Variants in ERBIN observed in about 807,000 individuals in gnomAD.
ERBIN encodes the protein erbb2 interacting protein, also known as densin-180-like protein.
ERBIN carries 60 observed loss-of-function variants against 158.4 expected under a neutral mutation model. That is an observed-to-expected ratio of 0.38 (90% CI 0.31 to 0.47). The LOEUF is 0.47. ERBIN is among the 20% of genes least tolerant of loss of function. The pLI, the probability that ERBIN is intolerant of heterozygous loss-of-function variation, is 0.99. For missense variants in ERBIN, 1,610 were observed against 1,648.0 expected (o/e 0.98, Z 0.40); for synonymous variants, 594 against 557.2 (o/e 1.07, Z -0.93).
intron 7 of ERBIN, among the ~76,000 whole-genome samples, chr5:66,015,805 C>T (rs1223302771): frequency 6.6e-6 from 1 of 152,152 alleles, no homozygotes; most frequent in Non-Finnish European, 1.5e-5. Context: ...CCACTGCATT[C>T]CAGCATAAGA....
At chr5:66,048,220 A>G (rs1490657095) in intron 18 of ERBIN, among the ~76,000 whole-genome samples, 1 of 151,896 alleles carries the variant, frequency 6.6e-6, no homozygotes, top group African/African-American at 2.4e-5. Flanking sequence ...ATTATGAAAT[A>G]AGATCAGTAG....
rs185338433 is a variant in ERBIN at position 66,026,589 on chromosome 5, A to C, written c.1136+172A>C. Among the ~76,000 whole-genome samples the C allele has an allele frequency of 6.6e-5, 10 of 152,122 alleles. No homozygotes were observed. The East Asian group carries it at 1.9e-3, about 29-fold the overall frequency. On this transcript the variant is annotated intron_variant, in intron 13 of 25. Coordinates refer to ENST00000284037, the MANE Select transcript of ERBIN (RefSeq NM_001253697.2). ...AAAGTGTGACTTTCAGTGAAACAAC[A>C]TACAATGAAATCACTTCTTTCGTTC... is the stretch of plus-strand genomic sequence containing the variant.
Position 66,050,983 on chromosome 5 carries a change from T to C in ERBIN, c.2087+17T>C. 1 of 1,536,946 alleles carries C rather than the reference T, an allele frequency of 6.5e-7. No individual in the cohort carries two copies. Among genetic ancestry groups the C allele is most frequent in the Middle Eastern group, 1.7e-4 (1 of 5,904 alleles). On this transcript the variant is annotated intron_variant, in intron 20 of 25. Transcript: ENST00000284037. ...CAAAATCAGGTGTGTGAACCTCTTT[T>C]ACAGTTTTTTATTTATACAATAAAT...
intron 21 of ERBIN, among the ~76,000 whole-genome samples, chr5:66,055,372 T>G (rs1027243758): frequency 1.8e-4 from 27 of 152,334 alleles, no homozygotes; most frequent in Admixed American, 4.6e-4. Context: ...CTAATATTTT[T>G]TCCCCAGTCC....
intron 4 of ERBIN, among the ~76,000 whole-genome samples, chr5:66,010,926 A>C (rs561912064): frequency 6.6e-6 from 1 of 152,244 alleles, no homozygotes; most frequent in Non-Finnish European, 1.5e-5. Context: ...GTAAATGCTC[A>C]GAATCTTTCA....
chr5:65,956,077 TCACC>T (rs2150939092), intron 1 of ERBIN, among the ~76,000 whole-genome samples: 1 of 152,324 alleles, frequency 6.6e-6, no homozygotes, highest in East Asian at 1.9e-4. Flanking sequence ...GGAAATGTAT[TCACC>T]CCTAATAAGG....
chr5:65,957,187 A>C (rs1489614071), intron 1 of ERBIN, among the ~76,000 whole-genome samples: 1 of 151,712 alleles, frequency 6.6e-6, no homozygotes, highest in Non-Finnish European at 1.5e-5. Flanking sequence ...AGGATGGTTC[A>C]ATGTAGGATT....
rs201928607 is a variant in ERBIN, at chr5:66,025,916, A to G, written c.959A>G (p.Gln320Arg). 1.3e-6 allele frequency: 2 copies of G among 1,594,974 alleles called. No individual in the cohort carries two copies. Among genetic ancestry groups the G allele is most frequent in the African/African-American group, 2.7e-5 (2 of 74,076 alleles). The change falls in exon 12 of 26, where the codon CAG (glutamine) becomes CGG (arginine). Residue 320 changes from glutamine to arginine, a missense_variant. Physicochemically the swap from Gln to Arg is conservative, Grantham distance 43. Around this residue, in one of 2 missense-constraint regions of ERBIN, gnomAD observed 596 missense variants for 711.9 expected, o/e 0.84. Transcript: ENST00000284037. The stretch of plus-strand genomic sequence containing the variant: ...GAAGCTTTGCCTTCATCTATTGGGC[A>G]GCTTACTAACTTAAGAACTTTTGCT... Reference protein sequence around the residue: ...EVEALPSSIGQLTNLRTFAAD... With the variant: ...EVEALPSSIGRLTNLRTFAAD...
At chr5:65,942,645 C>G (rs1343767119) in intron 1 of ERBIN, among the ~76,000 whole-genome samples, 1 of 152,188 alleles carries the variant, frequency 6.6e-6, no homozygotes, top group Non-Finnish European at 1.5e-5. Flanking sequence ...AGACTTAAGG[C>G]TGGGTGCAGT....
At chr5:66,040,912 G>A (rs1469344673) in intron 15 of ERBIN, among the ~76,000 whole-genome samples, 2 of 151,752 alleles carry the variant, frequency 1.3e-5, no homozygotes, top group African/African-American at 4.8e-5. Context: ...TGCAAGAGCA[G>A]GGGTGAGATC....
chr5:66,050,641 C>A, intron 19 of ERBIN, 142 bp from the exon 20 acceptor site: 1 of 481,142 alleles, frequency 2.1e-6, no homozygotes, highest in Non-Finnish European at 3.6e-6. Flanking sequence ...ACTGAATTTT[C>A]AGGGGTGCTT....
intron 1 of ERBIN, among the ~76,000 whole-genome samples, chr5:65,959,677 G>T (rs970182146): frequency 1.3e-5 from 2 of 152,108 alleles, no homozygotes; most frequent in African/African-American, 4.8e-5. Flanking sequence ...TTCTCAAATC[G>T]TATGACACTT....
At chr5:65,983,316 G>A (rs1250777593) in intron 1 of ERBIN, among the ~76,000 whole-genome samples, 2 of 151,982 alleles carry the variant, frequency 1.3e-5, no homozygotes, top group African/African-American at 4.8e-5. Context: ...ATATGTTGTA[G>A]GCATATCACA....
chr5:65,938,579 G>A (rs931659506), intron 1 of ERBIN, among the ~76,000 whole-genome samples: 1 of 152,012 alleles, frequency 6.6e-6, no homozygotes, highest in Non-Finnish European at 1.5e-5. Context: ...TTGAGACGGA[G>A]TCTTCCTCTG....
chr5:66,032,211 A>G (rs933119009), intron 14 of ERBIN, among the ~76,000 whole-genome samples: 2 of 152,182 alleles, frequency 1.3e-5, no homozygotes, highest in East Asian at 1.9e-4. Context: ...AGGATCTTCT[A>G]TGCCATGCAG....
intron 1 of ERBIN, among the ~76,000 whole-genome samples, chr5:65,963,778 A>G (rs1248023805): frequency 2.2e-5 from 3 of 137,984 alleles, no homozygotes; most frequent in African/African-American, 5.3e-5. Context: ...TGGTATGACT[A>G]TTTTCTTTCT....
rs145312232 is a variant in ERBIN, at chr5:65,933,072, A to G, written c.-58+6266A>G. ...TCTCCCAAAGTGCTGGGATTATGGC[A>G]TGAGCCGCTGCACCTGGCCCAATTT... On this transcript the variant is annotated intron_variant, in intron 1 of 25. Coordinates refer to ENST00000284037, the MANE Select transcript of ERBIN (RefSeq NM_001253697.2). Among the ~76,000 whole-genome samples, 645 of 152,248 alleles carry G rather than the reference A, an allele frequency of 4.2e-3. 5 individuals are homozygous for G. Among genetic ancestry groups the G allele is most frequent in the African/African-American group, 0.014 (593 of 41,544 alleles).
Position 66,007,629 on chromosome 5 carries a change from A to G in ERBIN, c.308-4420A>G, listed in dbSNP as rs555392819. 3.3e-5 allele frequency among the ~76,000 whole-genome samples: 5 copies of G among 152,282 alleles called. No individual in the cohort carries two copies. In the East Asian group the frequency reaches 5.8e-4, roughly 18 times the overall value. On this transcript the variant is annotated intron_variant, in intron 4 of 25. Coordinates refer to ENST00000284037, the MANE Select transcript of ERBIN (RefSeq NM_001253697.2). ...AGAGAAAATGCAAAAGCTACTGAGA[A>G]GGAACACTACTAATGGGGGAGAAGC...
chr5:65,994,590 A>T (rs183415028), intron 3 of ERBIN, among the ~76,000 whole-genome samples, 157 bp from the exon 4 acceptor site: 15 of 152,344 alleles, frequency 9.8e-5, no homozygotes, highest in Admixed American at 2.0e-4. Flanking sequence ...AGTTGTATTC[A>T]TATCCATAAT....
Sources: allele counts gnomAD v4.1 joint callset (sites outside exome capture counted in the v4.1 genomes callset), GRCh38; gene constraint gnomAD v4.1.1; regional missense constraint gnomAD v4.1.1; transcripts MANE v1.5; gene names NCBI Gene and HGNC (gene_info 2026-07-23, HGNC 2026-07-21).